Variants in PGAP1 observed in about 807,000 individuals in gnomAD.
The protein encoded by PGAP1 is GPI inositol-deacylase.
A neutral mutation model predicts 127.0 loss-of-function variants in PGAP1; 76 were observed. The ratio of observed to expected loss-of-function variants is 0.60; its 90% CI spans 0.50 to 0.72. The LOEUF is 0.72. PGAP1 is among the 30% of genes least tolerant of loss of function. PGAP1 has a pLI of 0.00. For synonymous variants in PGAP1, 362 were observed against 366.5 expected, an observed-to-expected ratio of 0.99 and a Z score of 0.14; for missense variants, 982 against 1,071.3, an observed-to-expected ratio of 0.92 and a Z score of 1.16.
chr2:196,926,622 C>G lies in PGAP1; in HGVS notation c.-6G>C. 6.2e-7 allele frequency: 1 copy of G among 1,613,250 alleles called. No homozygotes were observed. Among genetic ancestry groups the G allele is most frequent in the Non-Finnish European group, 8.5e-7 (1 of 1,179,746 alleles). On this transcript the variant is annotated 5_prime_UTR_variant, in exon 1 of 27. Transcript: ENST00000354764. ...TTAACTGAGTGAAGAAACATGGTGC[C>G]GCCACCACCGCCGCCGCCGCCGCCG...
chr2:196,890,883 G>C lies in PGAP1; in HGVS notation c.1118C>G (p.Pro373Arg). 2.0e-6 allele frequency: 3 copies of C among 1,534,838 alleles called. No homozygotes were observed. The highest frequency in any genetic ancestry group is 2.7e-6 in the Non-Finnish European group (3 of 1,109,836). The part of the protein sequence containing the change: ...NESEKIYFTF[P>R]LENHRKIYTH... ...GTAGATTTTTCTATGATTTTCAAGAGGAAATGTAAAATATATCTTCTCAGA... is the reference window on the plus strand; with the variant it reads ...GTAGATTTTTCTATGATTTTCAAGACGAAATGTAAAATATATCTTCTCAGA... The change falls in exon 10 of 27, where the codon CCT (proline) becomes CGT (arginine). Residue 373 changes from proline to arginine, a missense_variant. By Grantham distance (103) the Pro-to-Arg change is moderately radical. Transcript: ENST00000354764.
At chr2:196,848,106 C>T (rs1432127118) in intron 20 of PGAP1, 69 bp from the exon 21 acceptor site, 2 of 992,768 alleles carry the variant, frequency 2.0e-6, no homozygotes, top group Admixed American at 2.6e-5. Context: ...ATCCCACGTT[C>T]TCTAAAACAG....
rs575890577 is a variant in PGAP1 at position 196,875,376 on chromosome 2, T to C, written c.1426+370A>G. 1.3e-3 allele frequency among the ~76,000 whole-genome samples: 193 copies of C among 152,322 alleles called. 1 individual carries two copies. Among genetic ancestry groups the C allele is most frequent in the Middle Eastern group, 3.4e-3 (1 of 294 alleles). ...CTCTTTTGTAACTTTTCTGTAAATC[T>C]AAAATTATTTCAAAATAAAGTTTAA... is the stretch of plus-strand genomic sequence containing the variant. On this transcript the variant is annotated intron_variant, in intron 14 of 26. Coordinates refer to ENST00000354764, the MANE Select transcript of PGAP1 (RefSeq NM_024989.4).
chr2:196,883,213 T>C (rs1351829465), intron 12 of PGAP1, among the ~76,000 whole-genome samples: 2 of 152,226 alleles, frequency 1.3e-5, no homozygotes, highest in Non-Finnish European at 2.9e-5. Context: ...GGAGTAGTTA[T>C]ATGTTCTAAC....
At chr2:196,841,500 T>C (rs1385600001) in intron 26 of PGAP1, 128 bp from the exon 27 acceptor site, 4 of 703,640 alleles carry the variant, frequency 5.7e-6, no homozygotes, top group Admixed American at 3.4e-5. Flanking sequence ...TTTAATGATA[T>C]GAATTTACCT....
chr2:196,839,498 G>A lies in PGAP1; in HGVS notation c.*1736C>T, dbSNP rs1700345484. On this transcript the variant is annotated 3_prime_UTR_variant, in exon 27 of 27. Coordinates refer to ENST00000354764, the MANE Select transcript of PGAP1 (RefSeq NM_024989.4). ...TCTGCTACTTCTCTCAAACAAACAA[G>A]CACCTGTCTGCCATATCCCCACCAC... 1 of 152,040 alleles carries A rather than the reference G, an allele frequency of 6.6e-6. No homozygotes were observed. The highest frequency in any genetic ancestry group is 6.6e-5 in the Admixed American group (1 of 15,260). 9.4% of individuals were successfully genotyped at this position (152,040 alleles called of 1,614,324 possible).
chr2:196,842,485 T>A (rs1203704077), intron 26 of PGAP1, among the ~76,000 whole-genome samples: 6 of 152,004 alleles, frequency 3.9e-5, no homozygotes, highest in Non-Finnish European at 7.4e-5. Flanking sequence ...GGGAAGCAAA[T>A]CTTAGATCAT....
At chr2:196,854,778 T>C (rs889507897) in intron 20 of PGAP1, among the ~76,000 whole-genome samples, 1 of 152,102 alleles carries the variant, frequency 6.6e-6, no homozygotes, top group Non-Finnish European at 1.5e-5. Flanking sequence ...AAGAACTCTT[T>C]CTTTTTTTTC....
At chr2:196,871,239 C>T (rs1320252066) in intron 18 of PGAP1, among the ~76,000 whole-genome samples, 4 of 152,074 alleles carry the variant, frequency 2.6e-5, no homozygotes, top group Admixed American at 6.6e-5. Flanking sequence ...TCCTTTACTA[C>T]CTAAAATATT....
chr2:196,859,264 T>C (rs1222223009), intron 20 of PGAP1, among the ~76,000 whole-genome samples: 1 of 151,146 alleles, frequency 6.6e-6, no homozygotes, highest in Non-Finnish European at 1.5e-5. Context: ...GAGAAGGAGG[T>C]TGCAGTGAGC....
chr2:196,888,204 T>C (rs749665025), intron 10 of PGAP1, among the ~76,000 whole-genome samples: 6 of 152,204 alleles, frequency 3.9e-5, no homozygotes, highest in Non-Finnish European at 7.3e-5. Flanking sequence ...ACTCCTAAAG[T>C]ATACAGGAAA....
In PGAP1 at chr2:196,898,462, T is replaced by A. The variant is rs1702361456; in HGVS notation, c.808-93A>T. The A allele has an allele frequency of 7.4e-6, 6 of 808,306 alleles. No individual in the cohort carries two copies. The South Asian group carries it at 9.6e-5, about 13-fold the overall frequency. The allele number at this position is 808,306 out of a possible 1,614,324, so 50.1% of individuals were successfully genotyped here. On this transcript the variant is annotated intron_variant, in intron 5 of 26. Coordinates refer to ENST00000354764, the MANE Select transcript of PGAP1 (RefSeq NM_024989.4). ...TTACAAGCTAATATTTAGAAACACATAATATAGTTTCACTATATTGTGAGG... is the reference window on the plus strand; with the variant it reads ...TTACAAGCTAATATTTAGAAACACAAAATATAGTTTCACTATATTGTGAGG...
intron 13 of PGAP1, 57 bp from the exon 14 acceptor site, chr2:196,875,878 TCTTTA>T: frequency 2.3e-6 from 2 of 861,918 alleles, no homozygotes; most frequent in Non-Finnish European, 3.7e-6. Flanking sequence ...CAGTAAAGTA[TCTTTA>T]CTTGATGTTT....
chr2:196,862,980 AATC>A (rs1479648620), intron 20 of PGAP1, among the ~76,000 whole-genome samples: 3 of 152,184 alleles, frequency 2.0e-5, no homozygotes, highest in African/African-American at 7.2e-5. Flanking sequence ...CAACATCACT[AATC>A]ACCAGTGAAA....
At chr2:196,905,320 G>C (rs116840401) in intron 4 of PGAP1, among the ~76,000 whole-genome samples, 2,459 of 152,022 alleles carry the variant, frequency 0.016, 61 homozygotes, top group African/African-American at 0.055. Flanking sequence ...CTAAACCTAA[G>C]GTCATTTAAG....
At chr2:196,922,355 G>C (rs1347582899) in intron 1 of PGAP1, 2 of 982,682 alleles carry the variant, frequency 2.0e-6, no homozygotes, top group Non-Finnish European at 2.4e-6. Flanking sequence ...TTTTGATCTA[G>C]ATGAATACAC....
At position 196,890,866 on chromosome 2, in the gene PGAP1, T is replaced by C; in HGVS notation, c.1135A>G (p.Lys379Glu). The change falls in exon 10 of 27, where the codon AAA (lysine) becomes GAA (glutamate). Residue 379 changes from lysine to glutamate, a missense_variant. Coordinates refer to ENST00000354764, the MANE Select transcript of PGAP1 (RefSeq NM_024989.4). Reference sequence around the variant, plus strand: ...TGACAATAGACATGAGTGTAGATTTTTCTATGATTTTCAAGAGGAAATGTA... The same window carrying C: ...TGACAATAGACATGAGTGTAGATTTCTCTATGATTTTCAAGAGGAAATGTA... ...YFTFPLENHRKIYTHVYCQST... is the reference protein window; with the variant it reads ...YFTFPLENHREIYTHVYCQST... 6.5e-7 allele frequency: 1 copy of C among 1,548,566 alleles called. No homozygotes were observed. The highest frequency in any genetic ancestry group is 8.9e-7 in the Non-Finnish European group (1 of 1,122,046).
intron 10 of PGAP1, among the ~76,000 whole-genome samples, chr2:196,887,732 T>A (rs978797425): frequency 6.6e-6 from 1 of 152,158 alleles, no homozygotes; most frequent in Admixed American, 6.5e-5. Flanking sequence ...GTTAAGACAT[T>A]TTTCAGGAAT....
chr2:196,857,185 G>T (rs747611370), intron 20 of PGAP1, among the ~76,000 whole-genome samples: 24 of 152,116 alleles, frequency 1.6e-4, no homozygotes, highest in Admixed American at 1.5e-3. Context: ...GTTGATAAAC[G>T]ACTTCAGCAA....
Sources: allele counts gnomAD v4.1 joint callset (sites outside exome capture counted in the v4.1 genomes callset), GRCh38; gene constraint gnomAD v4.1.1; transcripts MANE v1.5; gene names NCBI Gene and HGNC (gene_info 2026-07-23, HGNC 2026-07-21).